Variants in CRPPA observed in about 807,000 individuals in gnomAD.
The protein encoded by CRPPA is D-ribitol-5-phosphate cytidylyltransferase.
A neutral mutation model predicts 52.0 loss-of-function variants in CRPPA; 43 were observed. The ratio of observed to expected loss-of-function variants is 0.83; its 90% CI spans 0.65 to 1.07. The LOEUF is 1.07. Ranked by LOEUF, CRPPA falls within the 50% of genes least tolerant of loss-of-function variation. The probability of loss-of-function intolerance (pLI) is 0.00; values close to 1 mark genes in which losing one functional copy is unlikely to be tolerated. For missense variants in CRPPA, 629 were observed against 551.7 expected (o/e 1.14, Z -1.40); for synonymous variants, 250 against 203.5 (o/e 1.23, Z -1.94).
At chr7:16,110,649 C>A (rs773173728) in intron 9 of CRPPA, among the ~76,000 whole-genome samples, 3 of 152,014 alleles carry the variant, frequency 2.0e-5, no homozygotes, top group Non-Finnish European at 4.4e-5. Flanking sequence ...CATGCATATA[C>A]AGTCAATTGA....
chr7:16,280,786 C>T (rs569753518), intron 5 of CRPPA, among the ~76,000 whole-genome samples: 38 of 152,166 alleles, frequency 2.5e-4, no homozygotes, highest in African/African-American at 8.2e-4. Context: ...TTTGGGAGGC[C>T]AAGGTGGAAG....
chr7:16,232,034 G>C (rs768356117), intron 8 of CRPPA, among the ~76,000 whole-genome samples: 1 of 152,150 alleles, frequency 6.6e-6, no homozygotes, highest in African/African-American at 2.4e-5. Context: ...GAGTACCAGA[G>C]AGGAGAGAGC....
intron 8 of CRPPA, among the ~76,000 whole-genome samples, chr7:16,217,475 A>G (rs1782362476): frequency 7.3e-6 from 1 of 137,492 alleles, no homozygotes; most frequent in African/African-American, 2.7e-5. Flanking sequence ...AGAAGGCTTC[A>G]GACGATCAAA....
chr7:16,194,922 C>T (rs1182162760), intron 9 of CRPPA, among the ~76,000 whole-genome samples: 1 of 151,368 alleles, frequency 6.6e-6, no homozygotes, highest in Admixed American at 6.6e-5. Flanking sequence ...CTTGGAATCA[C>T]TAGCATAAGA....
chr7:16,161,938 T>C (rs1255454009), intron 9 of CRPPA, among the ~76,000 whole-genome samples: 1 of 152,246 alleles, frequency 6.6e-6, no homozygotes, highest in Non-Finnish European at 1.5e-5. Flanking sequence ...TCCAGGAATG[T>C]ATCCGTTTCT....
intron 5 of CRPPA, among the ~76,000 whole-genome samples, chr7:16,300,307 G>C (rs184850348): frequency 9.6e-4 from 146 of 152,246 alleles, no homozygotes; most frequent in African/African-American, 3.3e-3. Context: ...TTAATAAATT[G>C]ATGCACTCAG....
chr7:16,389,506 A>T (rs959152291), intron 2 of CRPPA, among the ~76,000 whole-genome samples: 3 of 152,208 alleles, frequency 2.0e-5, no homozygotes, highest in Non-Finnish European at 2.9e-5. Context: ...AAGGACAAAC[A>T]TATGAACATG....
intron 9 of CRPPA, among the ~76,000 whole-genome samples, chr7:16,127,469 G>A (rs1015572475): frequency 6.6e-5 from 10 of 151,948 alleles, no homozygotes; most frequent in Admixed American, 6.6e-4. Context: ...ATAAGTAGTT[G>A]GGTAAGAAAA....
At chr7:16,244,286 A>G (rs981853338) in intron 8 of CRPPA, among the ~76,000 whole-genome samples, 39 of 152,270 alleles carry the variant, frequency 2.6e-4, no homozygotes, top group African/African-American at 8.7e-4. Context: ...CATTAGAGAC[A>G]AAAAGTTGAT....
At chr7:16,357,099 T>C (rs77687588) in intron 3 of CRPPA, among the ~76,000 whole-genome samples, 2,509 of 152,248 alleles carry the variant, frequency 0.016, 63 homozygotes, top group African/African-American at 0.054. Flanking sequence ...TGCTTTCCCA[T>C]GGGTCCCTCA....
intron 8 of CRPPA, among the ~76,000 whole-genome samples, chr7:16,253,725 A>G (rs1012631663): frequency 6.6e-6 from 1 of 152,210 alleles, no homozygotes; most frequent in East Asian, 1.9e-4. Flanking sequence ...ACGAAAGCCA[A>G]AATTGACAAA....
At chr7:16,390,949 T>A (rs1402434899) in intron 2 of CRPPA, among the ~76,000 whole-genome samples, 1 of 152,156 alleles carries the variant, frequency 6.6e-6, no homozygotes, top group Non-Finnish European at 1.5e-5. Flanking sequence ...GTCAATGGCC[T>A]CCTATAAATT....
Position 16,421,077 on chromosome 7 carries a change from C to A in CRPPA, c.246G>T (p.Gln82His). Residue 82 changes from glutamine to histidine, a missense_variant, in exon 1 of 10, where the codon CAG (glutamine) becomes CAT (histidine). Coordinates refer to ENST00000407010, the MANE Select transcript of CRPPA (RefSeq NM_001101426.4). ...CGGCGCCGCATTACCTCTCCAGGGCCTGTAGGGTGTAGCTGATGAGCGGCC... is the reference window on the plus strand; with the variant it reads ...CGGCGCCGCATTACCTCTCCAGGGCATGTAGGGTGTAGCTGATGAGCGGCC... The part of the protein sequence containing the change: ...LERPLISYTL[Q>H]ALERVCWIKD... 1 of 1,290,160 alleles carries A rather than the reference C, an allele frequency of 7.8e-7. No homozygotes were observed. Among genetic ancestry groups the A allele is most frequent in the Non-Finnish European group, 9.9e-7 (1 of 1,012,034 alleles). 79.9% of individuals were successfully genotyped at this position (1,290,160 alleles called of 1,614,324 possible).
rs372509458 is a variant in CRPPA, at chr7:16,274,111, G to A, written c.933+4018C>T. On this transcript the variant is annotated intron_variant, in intron 6 of 9. Transcript: ENST00000407010. ...GTCGCCCAGGCTGGAGTGCAGCGGCGCGATCTCGGCTCACTGCAACCTCTG... is the reference window on the plus strand; with the variant it reads ...GTCGCCCAGGCTGGAGTGCAGCGGCACGATCTCGGCTCACTGCAACCTCTG... Among the ~76,000 whole-genome samples the A allele has an allele frequency of 6.6e-5, 10 of 152,204 alleles. 1 individual carries two copies. Among genetic ancestry groups the A allele is most frequent in the East Asian group, 5.8e-4 (3 of 5,162 alleles).
intron 2 of CRPPA, among the ~76,000 whole-genome samples, chr7:16,383,949 G>A (rs143536555): frequency 1.1e-3 from 163 of 152,308 alleles, no homozygotes; most frequent in African/African-American, 3.7e-3. Context: ...TGCACTTCTC[G>A]AGTGAGGCAA....
intron 3 of CRPPA, among the ~76,000 whole-genome samples, chr7:16,339,324 T>G (rs1374449419): frequency 3.9e-5 from 6 of 152,182 alleles, no homozygotes; most frequent in Admixed American, 2.0e-4. Flanking sequence ...TTAAATCTAC[T>G]GTATAAGAAG....
At chr7:16,170,561 G>A (rs112199746) in intron 9 of CRPPA, among the ~76,000 whole-genome samples, 39 of 152,358 alleles carry the variant, frequency 2.6e-4, no homozygotes, top group African/African-American at 8.9e-4. Flanking sequence ...TGCAAAGAGC[G>A]AAAGAACAAA....
chr7:16,136,599 T>G (rs1244103518), intron 9 of CRPPA, among the ~76,000 whole-genome samples: 1 of 151,776 alleles, frequency 6.6e-6, no homozygotes, highest in Non-Finnish European at 1.5e-5. Context: ...TTGCCAACAA[T>G]TGCTAAATAT....
At chr7:16,209,962 C>T (rs1451870488) in intron 9 of CRPPA, among the ~76,000 whole-genome samples, 2 of 152,078 alleles carry the variant, frequency 1.3e-5, no homozygotes, top group African/African-American at 2.4e-5. Flanking sequence ...CATGCAATTT[C>T]CCTCTCTTTA....
Sources: allele counts gnomAD v4.1 joint callset (sites outside exome capture counted in the v4.1 genomes callset), GRCh38; gene constraint gnomAD v4.1.1; transcripts MANE v1.5; gene names NCBI Gene and HGNC (gene_info 2026-07-23, HGNC 2026-07-21).